ITGA8: variants seen among roughly 807,000 people sequenced by gnomAD.
ITGA8 encodes integrin subunit alpha 8, also known as integrin alpha-8.
A neutral mutation model predicts 142.3 loss-of-function variants in ITGA8; 91 were observed. That is an observed-to-expected ratio of 0.64 (90% CI 0.54 to 0.76). ITGA8 has a LOEUF of 0.76. Ranked by LOEUF, ITGA8 falls within the 30% of genes least tolerant of loss-of-function variation. The pLI is 0.00. For synonymous variants in ITGA8, 505 were observed against 485.2 expected (o/e 1.04, Z -0.54); for missense variants, 1,406 against 1,327.7 (o/e 1.06, Z -0.92).
At chr10:15,681,303 C>T (rs989535272) in intron 4 of ITGA8, among the ~76,000 whole-genome samples, 6 of 142,098 alleles carry the variant, frequency 4.2e-5, no homozygotes, top group Non-Finnish European at 6.5e-5. Context: ...TTGGCCATGA[C>T]GGGAAGTCTG....
chr10:15,532,160 G>A (rs1833315323), intron 27 of ITGA8, among the ~76,000 whole-genome samples: 2 of 151,798 alleles, frequency 1.3e-5, no homozygotes. Context: ...GCCGGGCGTG[G>A]TGGAATCCCA....
chr10:15,712,600 C>CA (rs1335170784), intron 2 of ITGA8, among the ~76,000 whole-genome samples: 10 of 151,520 alleles, frequency 6.6e-5, no homozygotes, highest in Admixed American at 3.9e-4. Flanking sequence ...GACTCCATTT[C>CA]AAAAAAATAA....
chr10:15,586,668 A>C lies in ITGA8; in HGVS notation c.2292-4T>G. The C allele has an allele frequency of 1.3e-6, 2 of 1,569,418 alleles. No homozygotes were observed. Among genetic ancestry groups the C allele is most frequent in the Non-Finnish European group, 1.8e-6 (2 of 1,139,470 alleles). On this transcript the variant is annotated splice_region_variant and splice_polypyrimidine_tract_variant and intron_variant, in intron 22 of 29. Transcript: ENST00000378076. ...GTCTGGATTGTCCTTGTTGGAACTA[A>C]AACACAAGGACATGTGATTTAAATC...
At chr10:15,591,781 C>T (rs1832927612) in intron 22 of ITGA8, among the ~76,000 whole-genome samples, 1 of 152,172 alleles carries the variant, frequency 6.6e-6, no homozygotes, top group Non-Finnish European at 1.5e-5. Flanking sequence ...CCACAGTGCG[C>T]ATAGGTAAGC....
chr10:15,608,425 CCA>C, intron 15 of ITGA8, 135 bp from the exon 16 acceptor site: 2 of 379,750 alleles, frequency 5.3e-6, no homozygotes, highest in African/African-American at 2.2e-5. Flanking sequence ...ACACACACAC[CCA>C]CACACACACC....
rs762471363 is a variant in ITGA8 at position 15,718,855 on chromosome 10, G to C, written c.254C>G (p.Pro85Arg). 10 of 1,614,022 alleles carry C rather than the reference G, an allele frequency of 6.2e-6. No homozygotes were observed. The highest frequency in any genetic ancestry group is 1.7e-5 in the Admixed American group (1 of 60,010). Residue 85 changes from proline (P) to arginine (R), a missense_variant, in exon 2 of 30, where the codon CCC (proline) becomes CGC (arginine). By Grantham distance (103) the Pro-to-Arg change is moderately radical (BLOSUM62 -2). Coordinates refer to ENST00000378076, the MANE Select transcript of ITGA8 (RefSeq NM_003638.3). ...GACGGCTCCCCCTTCCACGATATCGGGCTGGCTGGTGTTGGCTTTGGGCGC... is the reference window on the plus strand; with the variant it reads ...GACGGCTCCCCCTTCCACGATATCGCGCTGGCTGGTGTTGGCTTTGGGCGC... ...VGAPKANTSQPDIVEGGAVYY... is the reference protein window; with the variant it reads ...VGAPKANTSQRDIVEGGAVYY...
At chr10:15,599,207 C>G (rs892105889) in intron 20 of ITGA8, among the ~76,000 whole-genome samples, 3 of 152,022 alleles carry the variant, frequency 2.0e-5, no homozygotes, top group African/African-American at 7.2e-5. Flanking sequence ...TCCCCTCCAC[C>G]CTTTTTCTTT....
chr10:15,549,211 T>TTTTATTTTTTTA (rs1463026750), intron 26 of ITGA8, among the ~76,000 whole-genome samples: 3 of 20,716 alleles, frequency 1.4e-4, no homozygotes, highest in African/African-American at 2.5e-4. Context: ...GTTTTTTTTT[T>TTTTATTTTTTTA]TTTTTTTTTT....
At chr10:15,624,651 C>A (rs1304588360) in intron 13 of ITGA8, among the ~76,000 whole-genome samples, 5 of 152,174 alleles carry the variant, frequency 3.3e-5, no homozygotes, top group African/African-American at 1.2e-4. Flanking sequence ...CACAGAATCT[C>A]CTCCAGGAAC....
intron 1 of ITGA8, 34 bp from the exon 2 acceptor site, chr10:15,718,933 C>T: frequency 6.2e-7 from 1 of 1,613,344 alleles, no homozygotes; most frequent in South Asian, 1.1e-5. Context: ...ACTCTTTGGG[C>T]GCCACAAAAC....
chr10:15,688,761 T>C (rs542246019), intron 2 of ITGA8, among the ~76,000 whole-genome samples: 1 of 152,292 alleles, frequency 6.6e-6, no homozygotes, highest in Non-Finnish European at 1.5e-5. Flanking sequence ...ATGATCATCT[T>C]AATAGATGCA....
At chr10:15,650,769 A>G (rs530112113) in intron 11 of ITGA8, among the ~76,000 whole-genome samples, 1 of 152,260 alleles carries the variant, frequency 6.6e-6, no homozygotes, top group South Asian at 2.1e-4. Flanking sequence ...CATGACTAAT[A>G]TTCAGAATTT....
intron 26 of ITGA8, among the ~76,000 whole-genome samples, chr10:15,556,616 G>A (rs2131565634): frequency 6.6e-6 from 1 of 152,226 alleles, no homozygotes; most frequent in East Asian, 1.9e-4. Flanking sequence ...GGGTCTATGA[G>A]ATATTTTGAT....
chr10:15,616,762 C>CAGTGGATCTCA (rs1372344306), intron 13 of ITGA8, among the ~76,000 whole-genome samples: 1 of 152,122 alleles, frequency 6.6e-6, no homozygotes, highest in Non-Finnish European at 1.5e-5. Flanking sequence ...AAACGTCCAT[C>CAGTGGATCTCA]AGTGGATCTC....
intron 23 of ITGA8, among the ~76,000 whole-genome samples, chr10:15,577,952 T>C (rs951472507): frequency 6.6e-6 from 1 of 152,178 alleles, no homozygotes; most frequent in Non-Finnish European, 1.5e-5. Flanking sequence ...TTAGTTTTTT[T>C]AAAATTAAAC....
At chr10:15,530,652 C>T (rs965762203) in intron 28 of ITGA8, among the ~76,000 whole-genome samples, 3 of 150,864 alleles carry the variant, frequency 2.0e-5, no homozygotes, top group African/African-American at 7.3e-5. Flanking sequence ...GAAAAAATGA[C>T]TGTCCAAAGC....
intron 23 of ITGA8, among the ~76,000 whole-genome samples, chr10:15,582,061 G>A (rs1834418295): frequency 6.6e-6 from 1 of 152,048 alleles, no homozygotes; most frequent in African/African-American, 2.4e-5. Context: ...CAACACAGTG[G>A]GACCTCATCT....
intron 7 of ITGA8, among the ~76,000 whole-genome samples, chr10:15,671,879 CAAAAAAAA>C (rs34588118): frequency 5.0e-5 from 4 of 79,732 alleles, no homozygotes; most frequent in Non-Finnish European, 9.4e-5. Context: ...AGGAGCAAAG[CAAAAAAAA>C]AAAAAAAAAA....
At chr10:15,715,206 G>A (rs1835428777) in intron 2 of ITGA8, among the ~76,000 whole-genome samples, 2 of 151,962 alleles carry the variant, frequency 1.3e-5, no homozygotes, top group Middle Eastern at 3.4e-3. Flanking sequence ...AGCAAACCAG[G>A]GGCATATGCG....
Sources: allele counts gnomAD v4.1 joint callset (sites outside exome capture counted in the v4.1 genomes callset), GRCh38; gene constraint gnomAD v4.1.1; transcripts MANE v1.5; gene names NCBI Gene and HGNC (gene_info 2026-07-23, HGNC 2026-07-21).